SENP8: variants seen among roughly 807,000 people sequenced by gnomAD.
SENP8 encodes sentrin-specific protease 8.
SENP8 carries 10 observed loss-of-function variants against 14.4 expected under a neutral mutation model. That is an observed-to-expected ratio of 0.69 (90% CI 0.43 to 1.18). The LOEUF (loss-of-function observed/expected upper bound fraction) is 1.18. Ranked by LOEUF, SENP8 falls within the 50% of genes most tolerant of loss-of-function variation. The pLI, the probability that SENP8 is intolerant of heterozygous loss-of-function variation, is 0.00. For synonymous variants in SENP8, 94 were observed against 95.5 expected, an observed-to-expected ratio of 0.98 and a Z score of 0.09; for missense variants, 202 against 249.4, an observed-to-expected ratio of 0.81 and a Z score of 1.28.
rs879605463 is a variant in SENP8 at position 72,141,745 on chromosome 15, C to G, written c.*1483C>G. ...ATCAAAAAAAGTTTCCATTTCAAGT[C>G]GGTACATTTTGGATAAAAACCAGTC... On this transcript the variant is annotated 3_prime_UTR_variant, in exon 2 of 2. Coordinates refer to ENST00000340912, the MANE Select transcript of SENP8 (RefSeq NM_145204.4). 6.6e-6 allele frequency: 1 copy of G among 152,140 alleles called. No homozygotes were observed. The highest frequency in any genetic ancestry group is 1.9e-4 in the East Asian group (1 of 5,194). 9.4% of individuals were successfully genotyped at this position (152,140 alleles called of 1,614,324 possible). A position where few individuals can be genotyped will look rare whatever the true frequency, so the allele number is the denominator to read the frequency against.
At chr15:72,122,183 C>T (rs2081174183) in intron 1 of SENP8, among the ~76,000 whole-genome samples, 1 of 151,292 alleles carries the variant, frequency 6.6e-6, no homozygotes, top group Non-Finnish European at 1.5e-5. Flanking sequence ...CCAGGCAACC[C>T]ATCTCCTTTG....
At chr15:72,132,371 C>A (rs560092550) in intron 1 of SENP8, among the ~76,000 whole-genome samples, 87 of 152,276 alleles carry the variant, frequency 5.7e-4, no homozygotes, top group Middle Eastern at 3.4e-3. Context: ...AAGGATGTTA[C>A]AAAGAATACA....
intron 1 of SENP8, among the ~76,000 whole-genome samples, chr15:72,125,544 ATAAT>A (rs2081209222): frequency 6.6e-6 from 1 of 152,080 alleles, no homozygotes; most frequent in Non-Finnish European, 1.5e-5. Flanking sequence ...TTTTAATCAA[ATAAT>A]TAACAAGTTG....
intron 1 of SENP8, among the ~76,000 whole-genome samples, chr15:72,136,854 T>C (rs2140522231): frequency 6.6e-6 from 1 of 152,322 alleles, no homozygotes; most frequent in South Asian, 2.1e-4. Context: ...AGAAATATTG[T>C]CGTGCTGCCA....
At chr15:72,137,049 T>C (rs557933623) in intron 1 of SENP8, among the ~76,000 whole-genome samples, 1 of 152,310 alleles carries the variant, frequency 6.6e-6, no homozygotes, top group East Asian at 1.9e-4. Flanking sequence ...TGAATGGATA[T>C]TTGTTTTCAA....
upstream of SENP8, chr15:72,117,572 G>C (rs2081041952): frequency 2.6e-6 from 1 of 379,092 alleles, no homozygotes; most frequent in Non-Finnish European, 4.7e-6. Flanking sequence ...CGCTCGCGGG[G>C]CGTCTCCGCT....
Position 72,140,841 on chromosome 15 carries a change from C to T in SENP8, c.*579C>T, listed in dbSNP as rs55854204. 33,842 of 167,182 alleles carry T rather than the reference C, an allele frequency of 0.2. 3,643 individuals are homozygous for T. The highest frequency in any genetic ancestry group is 0.41 in the East Asian group (2,111 of 5,180). 10.4% of individuals were successfully genotyped at this position (167,182 alleles called of 1,614,324 possible). A position where few individuals can be genotyped will look rare whatever the true frequency, so the allele number is the denominator to read the frequency against. On this transcript the variant is annotated 3_prime_UTR_variant, in exon 2 of 2. Transcript: ENST00000340912. Reference sequence around the variant, plus strand: ...ACCATGCACAGGCTTTTCCAGCTATCTATATAATGTTTGCAAATATTTGAT... The same window carrying T: ...ACCATGCACAGGCTTTTCCAGCTATTTATATAATGTTTGCAAATATTTGAT...
rs568852526 is a variant in SENP8, at chr15:72,131,594, A to G, written c.-47-7983A>G. On this transcript the variant is annotated intron_variant, in intron 1 of 1. Transcript: ENST00000340912. Reference sequence around the variant, plus strand: ...TAAGAAGTAATCTCCTTCTATTAAAATTAATCCTTTGTTAAGGAAGTGTTC... The same window carrying G: ...TAAGAAGTAATCTCCTTCTATTAAAGTTAATCCTTTGTTAAGGAAGTGTTC... Among the ~76,000 whole-genome samples, 21 of 152,326 alleles carry G rather than the reference A, an allele frequency of 1.4e-4. No homozygotes were observed. The East Asian group carries it at 4.0e-3, about 29-fold the overall frequency.
At chr15:72,128,834 A>T (rs1380489276) in intron 1 of SENP8, among the ~76,000 whole-genome samples, 1 of 152,242 alleles carries the variant, frequency 6.6e-6, no homozygotes, top group Non-Finnish European at 1.5e-5. Context: ...AGCCAAAGCG[A>T]GTGAGGAAGG....
At chr15:72,114,848 A>G (rs2080910923), upstream of SENP8, among the ~76,000 whole-genome samples, 1 of 152,240 alleles carries the variant, frequency 6.6e-6, no homozygotes. Flanking sequence ...CTGAGTTAAC[A>G]TAACCAAAAA....
At chr15:72,116,345 T>C (rs985755927), upstream of SENP8, among the ~76,000 whole-genome samples, 2 of 152,254 alleles carry the variant, frequency 1.3e-5, no homozygotes, top group African/African-American at 4.8e-5. Context: ...TTTATACCAA[T>C]ATTAAAATTA....
chr15:72,125,569 A>G (rs941500675), intron 1 of SENP8, among the ~76,000 whole-genome samples: 8 of 152,054 alleles, frequency 5.3e-5, no homozygotes, highest in African/African-American at 1.9e-4. Context: ...TGCCAATGCT[A>G]CTTATTAAAA....
chr15:72,127,202 T>C (rs1188717129), intron 1 of SENP8, among the ~76,000 whole-genome samples: 6 of 152,184 alleles, frequency 3.9e-5, no homozygotes. Flanking sequence ...GCTTACATTC[T>C]TGTTTTGGAG....
Position 72,141,853 on chromosome 15 carries a change from G to A in SENP8, c.*1591G>A, listed in dbSNP as rs1567073257. On this transcript the variant is annotated 3_prime_UTR_variant, in exon 2 of 2. Transcript: ENST00000340912. ...AAATACAGAGGGAGGGACAGCAAGA[G>A]AAGTGACAAAGGTCACTGATGATAG... The A allele has an allele frequency of 4.6e-5, 7 of 152,194 alleles. No individual in the cohort carries two copies. The highest frequency in any genetic ancestry group is 3.9e-4 in the Admixed American group (6 of 15,276). The allele number at this position is 152,194 out of a possible 1,614,324, so 9.4% of individuals were successfully genotyped here. A position where few individuals can be genotyped will look rare whatever the true frequency, so the allele number is the denominator to read the frequency against.
chr15:72,140,244 C>T lies in SENP8; in HGVS notation c.621C>T (p.Thr207=). The change falls in exon 2 of 2, where the codon ACC becomes ACT. Residue 207 remains threonine (T), a synonymous_variant. Coordinates refer to ENST00000340912, the MANE Select transcript of SENP8 (RefSeq NM_145204.4). ...GGGGAGAATGGAAAGATCTCATTAC[C>T]ACACTTGCTAAAAAGTAGCTATTGA... is the stretch of plus-strand genomic sequence containing the variant. ...KKRGEWKDLI[T]TLAKK 6.2e-7 allele frequency: 1 copy of T among 1,611,380 alleles called. No homozygotes were observed. Among genetic ancestry groups the T allele is most frequent in the Non-Finnish European group, 8.5e-7 (1 of 1,178,084 alleles).
At chr15:72,121,375 T>A (rs2081165911) in intron 1 of SENP8, among the ~76,000 whole-genome samples, 1 of 152,104 alleles carries the variant, frequency 6.6e-6, no homozygotes, top group Admixed American at 6.6e-5. Context: ...GCAGGTTAGA[T>A]TATCAAAAGA....
upstream of SENP8, chr15:72,118,316 GCAGGGAACT>G (rs2081084798): frequency 4.4e-6 from 1 of 226,552 alleles, no homozygotes; most frequent in African/African-American, 2.3e-5. Flanking sequence ...TTACGGCAGA[GCAGGGAACT>G]CAGCTTTAGA....
chr15:72,125,862 C>A (rs182576605), intron 1 of SENP8, among the ~76,000 whole-genome samples: 6 of 151,818 alleles, frequency 4.0e-5, no homozygotes, highest in Admixed American at 3.3e-4. Flanking sequence ...CTCACTCTGT[C>A]GCCCAGGCTG....
Position 72,128,260 on chromosome 15 carries a change from A to G in SENP8, c.-48+9796A>G, listed in dbSNP as rs1464436313. On this transcript the variant is annotated intron_variant, in intron 1 of 1. Transcript: ENST00000340912. Reference sequence around the variant, plus strand: ...ATTATGGCAGGCAAAATTGGGACACATAAGACACCAATAAATATATTTTAA... The same window carrying G: ...ATTATGGCAGGCAAAATTGGGACACGTAAGACACCAATAAATATATTTTAA... Among the ~76,000 whole-genome samples, 2 of 152,246 alleles carry G rather than the reference A, an allele frequency of 1.3e-5. 1 individual carries two copies. Among genetic ancestry groups the G allele is most frequent in the Admixed American group, 1.3e-4 (2 of 15,288 alleles).
Sources: gnomAD v4.1 joint callset for allele counts (sites outside exome capture counted in the v4.1 genomes callset) on GRCh38, gnomAD v4.1.1 for gene constraint, MANE v1.5 for transcripts, NCBI Gene and HGNC (gene_info 2026-07-23, HGNC 2026-07-21) for gene names.